PCNX2: variants seen among roughly 807,000 people sequenced by gnomAD.
The protein encoded by PCNX2 is pecanex 2.
Under a neutral mutation model 223.8 loss-of-function variants are expected in PCNX2, and 168 were observed. That is an observed-to-expected ratio of 0.75 (90% CI 0.66 to 0.85). The LOEUF (loss-of-function observed/expected upper bound fraction) is 0.85, where lower values mean the gene tolerates loss of function less well. PCNX2 is among the 40% of genes least tolerant of loss of function. The probability of loss-of-function intolerance (pLI) is 0.00; values close to 1 mark genes in which losing one functional copy is unlikely to be tolerated. For synonymous variants in PCNX2, 1,006 were observed against 1,052.6 expected (o/e 0.96, Z 0.86); for missense variants, 2,507 against 2,675.5 (o/e 0.94, Z 1.39).
At chr1:233,070,817 ACG>A (rs1341133485) in intron 23 of PCNX2, among the ~76,000 whole-genome samples, 1 of 152,146 alleles carries the variant, frequency 6.6e-6, no homozygotes, top group Non-Finnish European at 1.5e-5. Context: ...TGGGCAGATC[ACG>A]AGGTCTGGAG....
chr1:233,263,260 AT>A, intron 1 of PCNX2, 97 bp from the exon 2 acceptor site: 1 of 993,726 alleles, frequency 1.0e-6, no homozygotes, highest in Middle Eastern at 3.1e-4. Flanking sequence ...TTGAATATAA[AT>A]TAGGCAAGAT....
At chr1:233,027,488 C>T (rs2102837033) in intron 25 of PCNX2, among the ~76,000 whole-genome samples, 1 of 152,312 alleles carries the variant, frequency 6.6e-6, no homozygotes, top group East Asian at 1.9e-4. Flanking sequence ...TCCAAAGAAG[C>T]ATCACTTAGT....
At chr1:233,250,514 C>A (rs1433816412) in intron 8 of PCNX2, 1 of 948,806 alleles carries the variant, frequency 1.1e-6, no homozygotes, top group Admixed American at 6.2e-5. Flanking sequence ...ATACTACCTA[C>A]ATGTTATCTT....
At chr1:233,243,021 T>C (rs1658868897) in intron 8 of PCNX2, among the ~76,000 whole-genome samples, 1 of 152,222 alleles carries the variant, frequency 6.6e-6, no homozygotes, top group South Asian at 2.1e-4. Context: ...AGATACCTGC[T>C]CTATGGACAG....
At chr1:233,209,111 G>A (rs1681678914) in intron 12 of PCNX2, among the ~76,000 whole-genome samples, 1 of 152,094 alleles carries the variant, frequency 6.6e-6, no homozygotes. Flanking sequence ...ATAAGAAATA[G>A]AATTATAATT....
At chr1:233,252,913 A>T in intron 5 of PCNX2, 125 bp from the exon 6 acceptor site, 1 of 976,312 alleles carries the variant, frequency 1.0e-6, no homozygotes, top group Non-Finnish European at 1.5e-6. Context: ...CTGCATGCAA[A>T]AGGCTTTTAA....
chr1:233,186,322 T>A (rs191136818), intron 15 of PCNX2, among the ~76,000 whole-genome samples: 1 of 152,342 alleles, frequency 6.6e-6, no homozygotes, highest in Non-Finnish European at 1.5e-5. Context: ...TTTCTAGGTC[T>A]ATTTTTGACA....
intron 8 of PCNX2, among the ~76,000 whole-genome samples, chr1:233,243,832 TA>T (rs1658933031): frequency 2.0e-5 from 3 of 148,180 alleles, no homozygotes; most frequent in Non-Finnish European, 2.9e-5. Flanking sequence ...CTTTATTTTT[TA>T]TTTTTTATTT....
chr1:233,245,194 C>T (rs1317132096), intron 8 of PCNX2, among the ~76,000 whole-genome samples: 4 of 152,164 alleles, frequency 2.6e-5, no homozygotes, highest in African/African-American at 9.7e-5. Context: ...GAGCACCTAC[C>T]TATAAAGGGC....
At position 233,259,007 on chromosome 1, in the gene PCNX2, T is replaced by C; in HGVS notation, c.855A>G (p.Pro285=). 3 of 1,613,984 alleles carry C rather than the reference T, an allele frequency of 1.9e-6. No individual in the cohort carries two copies. The highest frequency in any genetic ancestry group is 2.5e-6 in the Non-Finnish European group (3 of 1,179,884). ...PWGSENSVLI[P]EPVSCPRGSI... The stretch of plus-strand genomic sequence containing the variant: ...AGCCCCGGGGACAACTGACAGGTTC[T>C]GGAATCAGGACTGAATTCTCACTCC... The change falls in exon 5 of 34, where the codon CCA becomes CCG. Residue 285 remains proline (P), a synonymous_variant. Coordinates refer to ENST00000258229, the MANE Select transcript of PCNX2 (RefSeq NM_014801.4).
rs190267641 is a variant in PCNX2 at position 233,146,911 on chromosome 1, G to C, written c.3518-7056C>G. On this transcript the variant is annotated intron_variant, in intron 19 of 33. Coordinates refer to ENST00000258229, the MANE Select transcript of PCNX2 (RefSeq NM_014801.4). ...GACATAATCCCATTACAGTCTACAA[G>C]GATTTACCACAGGTCATGGCAACAA... Among the ~76,000 whole-genome samples the C allele has an allele frequency of 2.4e-4, 37 of 152,258 alleles. 1 individual carries two copies. Among genetic ancestry groups the C allele is most frequent in the Admixed American group, 2.2e-3 (34 of 15,288 alleles).
At chr1:233,051,164 G>T (rs1445928298) in intron 25 of PCNX2, among the ~76,000 whole-genome samples, 3 of 152,014 alleles carry the variant, frequency 2.0e-5, no homozygotes, top group Non-Finnish European at 4.4e-5. Flanking sequence ...TTATTAAAAA[G>T]TAAACAAAAA....
rs75322303 is a variant in PCNX2, at chr1:233,043,371, C to G, written c.4351+10897G>C. Among the ~76,000 whole-genome samples the G allele has an allele frequency of 7.3e-3, 1,104 of 152,252 alleles. 14 individuals are homozygous for G. Among genetic ancestry groups the G allele is most frequent in the African/African-American group, 0.024 (990 of 41,540 alleles). ...GAACTTGATGGCCCCCATTGGCCTT[C>G]TAACATGCATTATCTATTAATTTGG... On this transcript the variant is annotated intron_variant, in intron 25 of 33. Transcript: ENST00000258229.
At chr1:233,081,117 G>C (rs1418203719) in intron 23 of PCNX2, among the ~76,000 whole-genome samples, 1 of 152,162 alleles carries the variant, frequency 6.6e-6, no homozygotes, top group Non-Finnish European at 1.5e-5. Context: ...TGGAGGCCGA[G>C]GCGGGTGGAT....
chr1:233,087,266 A>C, intron 23 of PCNX2: 2 of 958,590 alleles, frequency 2.1e-6, no homozygotes, highest in Non-Finnish European at 2.5e-6. Flanking sequence ...AGCAGAGGTG[A>C]AAAGAAAGAG....
At chr1:233,296,392 G>C (rs75071413), upstream of PCNX2, among the ~76,000 whole-genome samples, 22 of 152,208 alleles carry the variant, frequency 1.4e-4, no homozygotes, top group African/African-American at 5.1e-4. Flanking sequence ...GTTAGCCTTA[G>C]TTTTTTATCT....
intron 19 of PCNX2, among the ~76,000 whole-genome samples, chr1:233,157,633 C>CTGAG (rs1187184752): frequency 2.6e-5 from 4 of 152,060 alleles, no homozygotes; most frequent in African/African-American, 9.7e-5. Flanking sequence ...TGTGCCTGGC[C>CTGAG]TGAGTTACCT....
At position 233,218,016 on chromosome 1, in the gene PCNX2, T is replaced by A. The variant is rs1357908343; in HGVS notation, c.2658+15A>T. 1.9e-6 allele frequency: 3 copies of A among 1,611,384 alleles called. No homozygotes were observed. In the Admixed American group the frequency reaches 5.0e-5, roughly 27 times the overall value. Reference sequence around the variant, plus strand: ...GACAGCACACGCTACTGGTAAGAATTAGATGTGGTCTTGCCTTTAGCAGGG... The same window carrying A: ...GACAGCACACGCTACTGGTAAGAATAAGATGTGGTCTTGCCTTTAGCAGGG... On this transcript the variant is annotated intron_variant, in intron 11 of 33. Transcript: ENST00000258229.
At chr1:233,289,106 T>C (rs1661612150) in intron 1 of PCNX2, 1 of 941,726 alleles carries the variant, frequency 1.1e-6, no homozygotes, top group Non-Finnish European at 1.8e-6. Flanking sequence ...TGGGATGCTT[T>C]TGCTTATATT....
Sources: gnomAD v4.1 joint callset for allele counts (sites outside exome capture counted in the v4.1 genomes callset) on GRCh38, gnomAD v4.1.1 for gene constraint, MANE v1.5 for transcripts, NCBI Gene and HGNC (gene_info 2026-07-23, HGNC 2026-07-21) for gene names.